The following RNF169 variants were observed in gnomAD, a reference collection of about 807,000 sequenced individuals.
The protein encoded by RNF169 is E3 ubiquitin-protein ligase RNF169.
RNF169 carries 24 observed loss-of-function variants against 53.9 expected under a neutral mutation model. The observed-to-expected ratio is 0.45, with a 90% CI of 0.32 to 0.63. The LOEUF is 0.63. Among genes scored for constraint, RNF169 ranks in the 20% least tolerant of loss-of-function variants. The pLI, the probability that RNF169 is intolerant of heterozygous loss-of-function variation, is 0.04. For missense variants in RNF169, 883 were observed against 906.2 expected (o/e 0.97, Z 0.33); for synonymous variants, 396 against 363.5 (o/e 1.09, Z -1.02).
intron 1 of RNF169, among the ~76,000 whole-genome samples, chr11:74,779,713 T>C (rs1227444658): frequency 6.6e-6 from 1 of 152,234 alleles, no homozygotes; most frequent in Non-Finnish European, 1.5e-5. Context: ...AGAATACATT[T>C]GTGGTTCACT....
intron 2 of RNF169, among the ~76,000 whole-genome samples, chr11:74,808,393 T>G (rs185425765): frequency 3.9e-5 from 6 of 152,322 alleles, no homozygotes; most frequent in Admixed American, 3.9e-4. Context: ...GGCTATCCTG[T>G]GCATTTAGGA....
In RNF169 at chr11:74,834,731, A is replaced by G. The variant is rs1369963035; in HGVS notation, c.898A>G (p.Arg300Gly). 8.7e-6 allele frequency: 14 copies of G among 1,614,050 alleles called. No individual in the cohort carries two copies. Among genetic ancestry groups the G allele is most frequent in the African/African-American group, 1.3e-5 (1 of 75,054 alleles). ...GAGCTGTAGTGACACAGCCCAGGAA[A>G]GAGCGAAGAGCAGAGTCAGAGCAGT... ...SQSCSDTAQE[R>G]AKSRVRAVPG... The change falls in exon 5 of 6, where the codon AGA (arginine) becomes GGA (glycine). Residue 300 changes from arginine to glycine, a missense_variant. This residue lies in a region of RNF169 where 219 missense variants were observed against 289.1 expected (regional missense o/e 0.76). Coordinates refer to ENST00000299563, the MANE Select transcript of RNF169 (RefSeq NM_001098638.2).
chr11:74,816,090 G>A (rs113093453), intron 3 of RNF169, among the ~76,000 whole-genome samples: 12,127 of 152,180 alleles, frequency 0.08, 1,613 homozygotes, highest in African/African-American at 0.28. Context: ...TCAAAGGCCA[G>A]CTGTTAGCAA....
intron 3 of RNF169, 81 bp downstream of exon 3, chr11:74,810,411 G>T (rs1433070751): frequency 7.5e-7 from 1 of 1,324,582 alleles, no homozygotes; most frequent in Non-Finnish European, 1.1e-6. Flanking sequence ...AAAGACCTAT[G>T]TTGGTAAATT....
intron 3 of RNF169, 25 bp downstream of exon 3, chr11:74,810,355 A>ATACC: frequency 6.2e-7 from 1 of 1,610,256 alleles, no homozygotes; most frequent in Non-Finnish European, 8.5e-7. Flanking sequence ...TTTTTAATGG[A>ATACC]TACCTGCCTC....
At chr11:74,779,418 G>A (rs138575476) in intron 1 of RNF169, among the ~76,000 whole-genome samples, 1 of 152,238 alleles carries the variant, frequency 6.6e-6, no homozygotes, top group African/African-American at 2.4e-5. Flanking sequence ...TTCTTTCTGT[G>A]TATTTCCTCT....
intron 1 of RNF169, among the ~76,000 whole-genome samples, chr11:74,772,304 G>A (rs2035271193): frequency 6.6e-6 from 1 of 152,146 alleles, no homozygotes; most frequent in African/African-American, 2.4e-5. Flanking sequence ...TGACAAAGCT[G>A]CTTAATTAAC....
chr11:74,802,438 G>A (rs111560330), intron 2 of RNF169, among the ~76,000 whole-genome samples: 3,594 of 152,288 alleles, frequency 0.024, 121 homozygotes, highest in African/African-American at 0.083. Context: ...CTGAGGTCAG[G>A]AGTTTGAGAC....
At chr11:74,760,501 G>T (rs1037806942) in intron 1 of RNF169, among the ~76,000 whole-genome samples, 2 of 151,988 alleles carry the variant, frequency 1.3e-5, no homozygotes, top group Non-Finnish European at 2.9e-5. Flanking sequence ...AGAGATTCTG[G>T]TATGTTGTGT....
At chr11:74,762,253 C>T (rs2035096831) in intron 1 of RNF169, among the ~76,000 whole-genome samples, 1 of 150,126 alleles carries the variant, frequency 6.7e-6, no homozygotes, top group South Asian at 2.1e-4. Flanking sequence ...GTTTGAATGT[C>T]CTCCCGTAGC....
chr11:74,798,104 A>G (rs1382586342), intron 2 of RNF169, among the ~76,000 whole-genome samples: 1 of 152,206 alleles, frequency 6.6e-6, no homozygotes, highest in Non-Finnish European at 1.5e-5. Flanking sequence ...TAACTGCACA[A>G]GTTGTAGAGC....
chr11:74,821,344 G>C (rs1421767922), intron 4 of RNF169, among the ~76,000 whole-genome samples: 2 of 152,174 alleles, frequency 1.3e-5, no homozygotes, highest in Non-Finnish European at 2.9e-5. Flanking sequence ...GGAAACAAGT[G>C]TTCCTAGCCA....
At chr11:74,762,935 A>G (rs2035111382) in intron 1 of RNF169, among the ~76,000 whole-genome samples, 1 of 152,212 alleles carries the variant, frequency 6.6e-6, no homozygotes, top group African/African-American at 2.4e-5. Context: ...GTTGAGTTTT[A>G]CCATATGCAA....
intron 1 of RNF169, among the ~76,000 whole-genome samples, chr11:74,783,078 G>C (rs2035440842): frequency 6.6e-6 from 1 of 152,084 alleles, no homozygotes; most frequent in African/African-American, 2.4e-5. Context: ...CAGGTACCAA[G>C]GGATGCTTTC....
intron 2 of RNF169, among the ~76,000 whole-genome samples, chr11:74,809,969 G>A (rs2035853481): frequency 6.6e-6 from 1 of 152,212 alleles, no homozygotes. Flanking sequence ...GCTTAAGAAT[G>A]CAGAGCAGTT....
chr11:74,754,596 G>A (rs1004728935), intron 1 of RNF169, among the ~76,000 whole-genome samples: 10 of 152,166 alleles, frequency 6.6e-5, no homozygotes, highest in African/African-American at 2.4e-4. Flanking sequence ...AGAGGTGGGC[G>A]GATCAGTTGT....
At chr11:74,805,993 G>A (rs2035798885) in intron 2 of RNF169, among the ~76,000 whole-genome samples, 1 of 152,018 alleles carries the variant, frequency 6.6e-6, no homozygotes, top group Non-Finnish European at 1.5e-5. Context: ...AGAAAGTCAA[G>A]CTTCTGTGTG....
In RNF169 at chr11:74,810,223, G is replaced by C. The variant is rs757734919; in HGVS notation, c.616G>C (p.Asp206His). Residue 206 changes from aspartate to histidine, a missense_variant, in exon 3 of 6, where the codon GAT becomes CAT. This residue lies in a region of RNF169 where 219 missense variants were observed against 289.1 expected (regional missense o/e 0.76). Coordinates refer to ENST00000299563, the MANE Select transcript of RNF169 (RefSeq NM_001098638.2). The part of the protein sequence containing the change: ...EKLQEEKPSE[D>H]QIHKLLPEDT... Reference sequence around the variant, plus strand: ...GTTACAAGAGGAAAAACCCTCTGAAGATCAAATCCACAAGCTGTTACCAGA... The same window carrying C: ...GTTACAAGAGGAAAAACCCTCTGAACATCAAATCCACAAGCTGTTACCAGA... 1 of 1,613,348 alleles carries C rather than the reference G, an allele frequency of 6.2e-7. No individual in the cohort carries two copies. The highest frequency in any genetic ancestry group is 2.2e-5 in the East Asian group (1 of 44,878).
Position 74,836,532 on chromosome 11 carries a change from C to G in RNF169, c.1929C>G (p.Thr643=), listed in dbSNP as rs760011550. 6.2e-7 allele frequency: 1 copy of G among 1,613,982 alleles called. No individual in the cohort carries two copies. Among genetic ancestry groups the G allele is most frequent in the Admixed American group, 1.7e-5 (1 of 60,002 alleles). The change falls in exon 6 of 6, where the codon ACC becomes ACG. Residue 643 remains threonine, a synonymous_variant. Coordinates refer to ENST00000299563, the MANE Select transcript of RNF169 (RefSeq NM_001098638.2). ...QNGSLKKLRQ[T]SGEVGLAPTD... ...GCTCCCTTAAAAAACTGCGACAAAC[C>G]AGTGGGGAGGTGGGTCTGGCCCCAA...
Sources: allele counts gnomAD v4.1 joint callset (sites outside exome capture counted in the v4.1 genomes callset), GRCh38; gene constraint gnomAD v4.1.1; regional missense constraint gnomAD v4.1.1; transcripts MANE v1.5; gene names NCBI Gene and HGNC (gene_info 2026-07-23, HGNC 2026-07-21).